Variants in IGF2BP2 observed in about 807,000 individuals in gnomAD.
IGF2BP2 encodes insulin like growth factor 2 mRNA binding protein 2.
IGF2BP2 carries 17 observed loss-of-function variants against 75.8 expected under a neutral mutation model. The observed-to-expected ratio is 0.22, with a 90% CI of 0.15 to 0.34. The LOEUF is 0.34. Among genes scored for constraint, IGF2BP2 ranks in the 10% least tolerant of loss-of-function variants. IGF2BP2 has a pLI of 1.00. For synonymous variants in IGF2BP2, 288 were observed against 295.6 expected (o/e 0.97, Z 0.26); for missense variants, 516 against 772.4 (o/e 0.67, Z 3.93).
intron 4 of IGF2BP2, among the ~76,000 whole-genome samples, chr3:185,694,895 T>C (rs935135024): frequency 2.6e-5 from 4 of 152,210 alleles, no homozygotes; most frequent in Non-Finnish European, 5.9e-5. Flanking sequence ...GATGCCAGCC[T>C]GGCCAACACG....
chr3:185,680,370 A>G (rs1720188459), intron 7 of IGF2BP2, among the ~76,000 whole-genome samples: 1 of 152,180 alleles, frequency 6.6e-6, no homozygotes, highest in Admixed American at 6.5e-5. Flanking sequence ...AATGCTACCA[A>G]ACATTTAAAG....
At chr3:185,718,622 T>TGGAGG (rs1294675508) in intron 2 of IGF2BP2, among the ~76,000 whole-genome samples, 1 of 143,738 alleles carries the variant, frequency 7.0e-6, no homozygotes, top group African/African-American at 2.6e-5. Flanking sequence ...GAGGTGGAGG[T>TGGAGG]TGTGGTGAGC....
chr3:185,723,227 G>A (rs1428018858), intron 2 of IGF2BP2, among the ~76,000 whole-genome samples: 1 of 152,106 alleles, frequency 6.6e-6, no homozygotes, highest in African/African-American at 2.4e-5. Context: ...TACGCAAACA[G>A]CTAAGTTTCT....
intron 13 of IGF2BP2, among the ~76,000 whole-genome samples, chr3:185,651,139 G>A (rs1421544131): frequency 6.6e-6 from 1 of 152,110 alleles, no homozygotes; most frequent in Non-Finnish European, 1.5e-5. Context: ...TCAAACTCCT[G>A]GGCTCAAGCA....
At position 185,817,629 on chromosome 3, in the gene IGF2BP2, T is replaced by C. The variant is rs554102861; in HGVS notation, c.239+5524A>G. Among the ~76,000 whole-genome samples, 5 of 152,268 alleles carry C rather than the reference T, an allele frequency of 3.3e-5. No homozygotes were observed. The South Asian group carries it at 8.3e-4, about 25-fold the overall frequency. The stretch of plus-strand genomic sequence containing the variant: ...TAGAGTCCATGCCACCAAATGAAAA[T>C]TATAAGTTTGTAAGCATGAAGTCAA... On this transcript the variant is annotated intron_variant, in intron 2 of 15. Coordinates refer to ENST00000382199, the MANE Select transcript of IGF2BP2 (RefSeq NM_006548.6).
At chr3:185,668,016 G>A (rs1209912770) in intron 10 of IGF2BP2, among the ~76,000 whole-genome samples, 1 of 152,074 alleles carries the variant, frequency 6.6e-6, no homozygotes, top group Non-Finnish European at 1.5e-5. Context: ...TATATGCACT[G>A]GGAAACAGAA....
chr3:185,819,269 AG>A (rs1157788905), intron 2 of IGF2BP2, among the ~76,000 whole-genome samples: 1 of 152,162 alleles, frequency 6.6e-6, no homozygotes, highest in African/African-American at 2.4e-5. Context: ...TTAGGTGTTT[AG>A]CCATTAAACA....
At chr3:185,717,129 C>G (rs1389056748) in intron 2 of IGF2BP2, 2 of 207,244 alleles carry the variant, frequency 9.7e-6, no homozygotes, top group Non-Finnish European at 2.0e-5. Context: ...AGGCTTCTTG[C>G]AGGCCTTTGG....
In IGF2BP2 at chr3:185,647,133, G is replaced by C. The variant is rs755413551; in HGVS notation, c.1599C>G (p.Asn533Lys). The C allele has an allele frequency of 6.2e-7, 1 of 1,612,786 alleles. No homozygotes were observed. The highest frequency in any genetic ancestry group is 1.1e-5 in the South Asian group (1 of 91,048). ...RVIGKGGKTV[N>K]ELQNLTSAEV... ...CTGCACTGGTTAAGTTCTGCAGTTCGTTCACCTGTGAAGGGAGAAACGGCA... is the reference window on the plus strand; with the variant it reads ...CTGCACTGGTTAAGTTCTGCAGTTCCTTCACCTGTGAAGGGAGAAACGGCA... The change falls in exon 15 of 16, where the codon AAC becomes AAG. Residue 533 changes from asparagine (N) to lysine (K), a missense_variant. Asn to Lys is a moderately conservative substitution (Grantham distance 94, BLOSUM62 0). This residue lies in a region of IGF2BP2 where 129 missense variants were observed against 230.5 expected (regional missense o/e 0.56). Transcript: ENST00000382199. This position sits in a 1 kb window ranked among gnomAD's most constrained non-coding sequence, Gnocchi z 4.9.
intron 10 of IGF2BP2, among the ~76,000 whole-genome samples, chr3:185,664,319 G>A (rs945981111): frequency 6.6e-6 from 1 of 152,220 alleles, no homozygotes; most frequent in East Asian, 1.9e-4. Flanking sequence ...GAACTCACTG[G>A]TTCAGGTGGG....
In IGF2BP2 at chr3:185,764,942, C is replaced by T. The variant is rs138510831; in HGVS notation, c.239+58211G>A. On this transcript the variant is annotated intron_variant, in intron 2 of 15. Coordinates refer to ENST00000382199, the MANE Select transcript of IGF2BP2 (RefSeq NM_006548.6). ...GGACACTGGCACGCCTCTTCTACCC[C>T]CACGAGGTGTTTATTATTTTGCTTG... 3.3e-3 allele frequency among the ~76,000 whole-genome samples: 502 copies of T among 152,274 alleles called. 1 individual carries two copies. Among genetic ancestry groups the T allele is most frequent in the Non-Finnish European group, 5.4e-3 (366 of 68,016 alleles).
intron 2 of IGF2BP2, among the ~76,000 whole-genome samples, chr3:185,818,104 T>G (rs1465872149): frequency 6.6e-6 from 1 of 152,224 alleles, no homozygotes; most frequent in Non-Finnish European, 1.5e-5. Context: ...ATATAACGCT[T>G]CTTCTAATGA....
At chr3:185,775,086 C>CT (rs1418541446) in intron 2 of IGF2BP2, among the ~76,000 whole-genome samples, 2 of 151,626 alleles carry the variant, frequency 1.3e-5, no homozygotes, top group African/African-American at 2.4e-5. Context: ...TGGATGAACT[C>CT]TAGCAAGTTA....
At chr3:185,654,779 G>T (rs1417210106) in intron 12 of IGF2BP2, among the ~76,000 whole-genome samples, 1 of 152,204 alleles carries the variant, frequency 6.6e-6, no homozygotes, top group Non-Finnish European at 1.5e-5. Context: ...CTGGAATTAG[G>T]TGTCACTGGC....
intron 2 of IGF2BP2, among the ~76,000 whole-genome samples, chr3:185,735,799 T>C (rs1219616321): frequency 1.3e-5 from 2 of 152,196 alleles, no homozygotes; most frequent in Non-Finnish European, 2.9e-5. Flanking sequence ...CACCATGATC[T>C]TAATTCATAT....
chr3:185,647,148 G>C lies in IGF2BP2; in HGVS notation c.1594-10C>G. On this transcript the variant is annotated splice_polypyrimidine_tract_variant and intron_variant, in intron 14 of 15. Transcript: ENST00000382199. This position sits in a 1 kb window ranked among gnomAD's most constrained non-coding sequence, Gnocchi z 4.9. ...TCTGCAGTTCGTTCACCTGTGAAGG[G>C]AGAAACGGCAACGGGTTGGATAGGT... is the stretch of plus-strand genomic sequence containing the variant. 4.4e-6 allele frequency: 7 copies of C among 1,603,818 alleles called. No homozygotes were observed. Among genetic ancestry groups the C allele is most frequent in the Non-Finnish European group, 6.0e-6 (7 of 1,170,576 alleles).
chr3:185,775,758 A>G (rs1304174199), intron 2 of IGF2BP2, among the ~76,000 whole-genome samples: 1 of 152,240 alleles, frequency 6.6e-6, no homozygotes, highest in Non-Finnish European at 1.5e-5. Flanking sequence ...AGGGAAATAA[A>G]AGAAGATGGC....
intron 2 of IGF2BP2, among the ~76,000 whole-genome samples, chr3:185,715,792 C>T (rs572471827): frequency 2.0e-5 from 3 of 152,222 alleles, no homozygotes; most frequent in South Asian, 4.2e-4. Flanking sequence ...TACCAGCACC[C>T]GTCACCACAC....
intron 2 of IGF2BP2, among the ~76,000 whole-genome samples, chr3:185,788,519 A>G (rs531530645): frequency 6.6e-6 from 1 of 152,166 alleles, no homozygotes; most frequent in South Asian, 2.1e-4. Context: ...CTCTAAAAGT[A>G]ATAATAATAA....
Sources: allele counts gnomAD v4.1 joint callset (sites outside exome capture counted in the v4.1 genomes callset), GRCh38; gene constraint gnomAD v4.1.1; regional missense constraint gnomAD v4.1.1; non-coding constraint Gnocchi (gnomAD v3.1); transcripts MANE v1.5; gene names NCBI Gene and HGNC (gene_info 2026-07-23, HGNC 2026-07-21).